CDYL: variants seen among roughly 807,000 people sequenced by gnomAD.
The protein encoded by CDYL is chromodomain Y like.
In CDYL, 8 loss-of-function variants were observed where a neutral mutation model predicts 47.3. The observed-to-expected ratio is 0.17, with a 90% confidence interval of 0.10 to 0.31. The LOEUF (loss-of-function observed/expected upper bound fraction) is 0.31, where lower values mean the gene tolerates loss of function less well. Ranked by LOEUF, CDYL falls within the 10% of genes least tolerant of loss-of-function variation. The pLI is 1.00. For missense variants in CDYL, 471 were observed against 701.4 expected (o/e 0.67, Z 3.71); for synonymous variants, 266 against 265.0 (o/e 1.00, Z -0.04).
At chr6:4,924,293 A>C (rs1385062692) in intron 2 of CDYL, among the ~76,000 whole-genome samples, 3 of 152,174 alleles carry the variant, frequency 2.0e-5, no homozygotes, top group Non-Finnish European at 4.4e-5. Flanking sequence ...AATTGCAGGA[A>C]CCTTAGCTTA....
chr6:4,929,813 C>T (rs1757983952), intron 2 of CDYL, among the ~76,000 whole-genome samples: 1 of 151,970 alleles, frequency 6.6e-6, no homozygotes, highest in South Asian at 2.1e-4. Context: ...ACCATCATCT[C>T]TCATTTTTAG....
At chr6:4,927,359 CT>C (rs143431565) in intron 2 of CDYL, among the ~76,000 whole-genome samples, 82 of 147,944 alleles carry the variant, frequency 5.5e-4, no homozygotes, top group African/African-American at 1.7e-3. Flanking sequence ...GAAAGAACGT[CT>C]TTTTTTTTTA....
chr6:4,718,703 A>AAT (rs1757314759), intron 2 of CDYL: 1 of 152,232 alleles, frequency 6.6e-6, no homozygotes. Flanking sequence ...AAGGCAAATT[A>AAT]ATATTTGTGT....
At chr6:4,920,733 C>CT (rs1170685136) in intron 2 of CDYL, among the ~76,000 whole-genome samples, 15 of 152,318 alleles carry the variant, frequency 9.8e-5, no homozygotes, top group African/African-American at 3.6e-4. Flanking sequence ...ATTCTCCTGC[C>CT]TCCGCCTCTG....
intron 1 of CDYL, among the ~76,000 whole-genome samples, chr6:4,868,098 T>C (rs568939004): frequency 6.6e-6 from 1 of 152,056 alleles, no homozygotes; most frequent in Admixed American, 6.5e-5. Flanking sequence ...CTGTTGCTGC[T>C]GCTGAATTGA....
Position 4,952,165 on chromosome 6 carries a change from G to T in CDYL, c.1333-101G>T, listed in dbSNP as rs961718824. 4.2e-5 allele frequency: 58 copies of T among 1,374,774 alleles called. No individual in the cohort carries two copies. In the Admixed American group the frequency reaches 1.3e-3, roughly 30 times the overall value. The allele number at this position is 1,374,774 out of a possible 1,614,324, so 85.2% of individuals were successfully genotyped here. On this transcript the variant is annotated intron_variant, in intron 5 of 6. Transcript: ENST00000397588. ...TGTGCCCCATTTCCCTGCGGGGCTG[G>T]TATTTGTGAATGTTTCCCTTCGGTG...
intron 1 of CDYL, among the ~76,000 whole-genome samples, chr6:4,816,727 G>T (rs1190022791): frequency 6.6e-6 from 1 of 151,996 alleles, no homozygotes; most frequent in East Asian, 1.9e-4. Context: ...GAGCTCAAGT[G>T]ATCTGTCCAT....
At chr6:4,863,778 A>G (rs1761241173) in intron 1 of CDYL, among the ~76,000 whole-genome samples, 1 of 152,246 alleles carries the variant, frequency 6.6e-6, no homozygotes, top group Non-Finnish European at 1.5e-5. Context: ...AAATTGGCTT[A>G]ATTTTTAATG....
chr6:4,858,493 C>G (rs1445858954), intron 1 of CDYL, among the ~76,000 whole-genome samples: 1 of 152,216 alleles, frequency 6.6e-6, no homozygotes, highest in African/African-American at 2.4e-5. Context: ...GATGAGCAAA[C>G]CAGAGCTCAC....
chr6:4,900,193 G>C (rs966415131), intron 2 of CDYL, among the ~76,000 whole-genome samples: 2 of 152,126 alleles, frequency 1.3e-5, no homozygotes, highest in East Asian at 1.9e-4. Flanking sequence ...TTTTATATGA[G>C]ATCATACTAC....
chr6:4,850,444 G>A (rs1320718253), intron 1 of CDYL, among the ~76,000 whole-genome samples: 1 of 152,152 alleles, frequency 6.6e-6, no homozygotes, highest in African/African-American at 2.4e-5. Flanking sequence ...AGAGCTTGTG[G>A]TAGGGAACTC....
intron 1 of CDYL, among the ~76,000 whole-genome samples, chr6:4,876,193 C>A (rs1761616782): frequency 6.6e-6 from 1 of 151,952 alleles, no homozygotes; most frequent in East Asian, 1.9e-4. Flanking sequence ...TAAATGGAAT[C>A]ATATTACAAA....
At chr6:4,886,438 G>A (rs142468843) in intron 1 of CDYL, among the ~76,000 whole-genome samples, 250 of 152,174 alleles carry the variant, frequency 1.6e-3, no homozygotes, top group Non-Finnish European at 2.5e-3. Flanking sequence ...AAGTGTACCC[G>A]CATTGTGGTT....
intron 1 of CDYL, among the ~76,000 whole-genome samples, chr6:4,874,452 C>T (rs1761564577): frequency 6.6e-6 from 1 of 152,176 alleles, no homozygotes; most frequent in African/African-American, 2.4e-5. Context: ...GAAGCTCTGC[C>T]TGTGAGGACC....
chr6:4,751,045 C>T (rs1005385058), intron 3 of CDYL, among the ~76,000 whole-genome samples: 2 of 151,860 alleles, frequency 1.3e-5, no homozygotes, highest in African/African-American at 4.8e-5. Flanking sequence ...TTAGTAGAGA[C>T]AGGGTTTCAC....
chr6:4,890,081 T>C (rs1171191720), intron 1 of CDYL: 3 of 985,312 alleles, frequency 3.0e-6, no homozygotes, highest in Non-Finnish European at 3.6e-6. Context: ...ACGGGAATAC[T>C]CTGGTTTAGT....
At chr6:4,780,142 G>A (rs560366186) in intron 1 of CDYL, among the ~76,000 whole-genome samples, 3 of 152,062 alleles carry the variant, frequency 2.0e-5, no homozygotes, top group Admixed American at 6.5e-5. Flanking sequence ...GAAGTTAGAC[G>A]GTATTTCTAA....
Position 4,755,690 on chromosome 6 carries a change from T to C in CDYL, c.186+20846T>C, listed in dbSNP as rs150589994. ...ATTATATACTACATACTACAACGGC[T>C]GCTTTAAAAACAAATCTCACTTAAT... On this transcript the variant is annotated intron_variant, in intron 3 of 8. Transcript: ENST00000328908. Among the ~76,000 whole-genome samples, 6 of 152,336 alleles carry C rather than the reference T, an allele frequency of 3.9e-5. 1 individual carries two copies. The highest frequency in any genetic ancestry group is 1.2e-4 in the African/African-American group (5 of 41,572).
intron 1 of CDYL, among the ~76,000 whole-genome samples, chr6:4,706,991 G>C (rs1757057966): frequency 6.6e-6 from 1 of 152,144 alleles, no homozygotes; most frequent in South Asian, 2.1e-4. Context: ...CAGTGTTCAG[G>C]ATGGAGACCA....
Sources: allele counts gnomAD v4.1 joint callset (sites outside exome capture counted in the v4.1 genomes callset), GRCh38; gene constraint gnomAD v4.1.1; transcripts MANE v1.5; gene names NCBI Gene and HGNC (gene_info 2026-07-23, HGNC 2026-07-21).